The following ARHGAP35 variants were observed in gnomAD, a reference collection of about 807,000 sequenced individuals.
ARHGAP35 encodes the protein rho GTPase-activating protein 35.
ARHGAP35 carries 15 observed loss-of-function variants against 111.1 expected under a neutral mutation model. That is an observed-to-expected ratio of 0.13 (90% CI 0.09 to 0.21). ARHGAP35 has a LOEUF of 0.21. Among genes scored for constraint, ARHGAP35 ranks in the 10% least tolerant of loss-of-function variants. ARHGAP35 has a pLI of 1.00. For synonymous variants in ARHGAP35, 643 were observed against 710.3 expected, an observed-to-expected ratio of 0.91 and a Z score of 1.51; for missense variants, 1,262 against 1,873.0, an observed-to-expected ratio of 0.67 and a Z score of 6.02.
At position 46,945,368 on chromosome 19, in the gene ARHGAP35, G is replaced by T. The variant is rs975478151; in HGVS notation, c.3826+7960G>T. On this transcript the variant is annotated intron_variant, in intron 3 of 6. Transcript: ENST00000672722. This position sits in a 1 kb window ranked among gnomAD's most constrained non-coding sequence, Gnocchi z 4.1. The stretch of plus-strand genomic sequence containing the variant: ...TTGGCCAAGCTCATCTGAGCTCTCT[G>T]ATGCACAGCAGGAAGTAGAATTATT... 6.6e-6 allele frequency among the ~76,000 whole-genome samples: 1 copy of T among 152,156 alleles called. No homozygotes were observed. Among genetic ancestry groups the T allele is most frequent in the Admixed American group, 6.5e-5 (1 of 15,268 alleles).
At chr19:46,888,620 G>A (rs2056008250) in intron 1 of ARHGAP35, among the ~76,000 whole-genome samples, 1 of 151,856 alleles carries the variant, frequency 6.6e-6, no homozygotes, top group Admixed American at 6.6e-5. Context: ...AATCTGCTTA[G>A]TTATGTAGCA....
chr19:46,959,973 T>C (rs866093052), intron 3 of ARHGAP35, among the ~76,000 whole-genome samples: 165 of 150,702 alleles, frequency 1.1e-3, no homozygotes, highest in South Asian at 4.2e-4. Context: ...AGCCATGCAT[T>C]GTGGCACATG....
intron 3 of ARHGAP35, among the ~76,000 whole-genome samples, chr19:46,959,297 C>G (rs991422089): frequency 6.6e-6 from 1 of 152,088 alleles, no homozygotes; most frequent in Non-Finnish European, 1.5e-5. Context: ...CTCCTGTGCT[C>G]AAGTGATTCG....
At position 46,952,986 on chromosome 19, in the gene ARHGAP35, C is replaced by T. The variant is rs150074787; in HGVS notation, c.3826+15578C>T. Among the ~76,000 whole-genome samples the T allele has an allele frequency of 6.0e-3, 910 of 152,300 alleles. 4 individuals carry two copies. The highest frequency in any genetic ancestry group is 0.02 in the South Asian group (98 of 4,828). ...TGAGCCACCATGCCTGGCCCTACAT[C>T]ACTCTTTAAGTGGTCCTTTGTGCAT... On this transcript the variant is annotated intron_variant, in intron 3 of 6. Transcript: ENST00000672722.
chr19:46,873,735 AATTT>A (rs1036853574), intron 1 of ARHGAP35, among the ~76,000 whole-genome samples: 25 of 151,518 alleles, frequency 1.6e-4, no homozygotes, highest in Non-Finnish European at 2.5e-4. Flanking sequence ...ATGAGATTTA[AATTT>A]ATTTAAGCTT....
chr19:46,952,850 G>A (rs2056420296), intron 3 of ARHGAP35, among the ~76,000 whole-genome samples: 2 of 152,056 alleles, frequency 1.3e-5, no homozygotes, highest in African/African-American at 4.8e-5. Flanking sequence ...AGCAGTTTTT[G>A]TATTTTTTGT....
chr19:46,954,842 C>A (rs979548100), intron 3 of ARHGAP35, among the ~76,000 whole-genome samples: 1 of 152,240 alleles, frequency 6.6e-6, no homozygotes, highest in Non-Finnish European at 1.5e-5. Context: ...GTTCTGTGAT[C>A]TGTTTTTTGT....
At chr19:46,916,646 AT>A (rs59214975) in intron 1 of ARHGAP35, among the ~76,000 whole-genome samples, 14 of 151,520 alleles carry the variant, frequency 9.2e-5, no homozygotes, top group African/African-American at 2.7e-4. Context: ...TACACACTTA[AT>A]TTTTTTTTAT....
At chr19:46,995,959 T>C (rs1167134705) in intron 5 of ARHGAP35, among the ~76,000 whole-genome samples, 1 of 152,184 alleles carries the variant, frequency 6.6e-6, no homozygotes, top group East Asian at 1.9e-4. Flanking sequence ...GAGCTCCTAG[T>C]GCTGCTCAGT....
intron 1 of ARHGAP35, among the ~76,000 whole-genome samples, chr19:46,894,790 C>A (rs547219847): frequency 6.6e-6 from 1 of 152,028 alleles, no homozygotes; most frequent in African/African-American, 2.4e-5. Context: ...TCTGCTGTCT[C>A]CTATGTCATG....
chr19:46,951,375 A>G (rs2056412129), intron 3 of ARHGAP35, among the ~76,000 whole-genome samples: 1 of 152,088 alleles, frequency 6.6e-6, no homozygotes, highest in Non-Finnish European at 1.5e-5. Flanking sequence ...GCCCAGAGAA[A>G]CCAACTGAGT....
At chr19:46,888,319 A>ATAT (rs2056006031) in intron 1 of ARHGAP35, among the ~76,000 whole-genome samples, 1 of 51,176 alleles carries the variant, frequency 2.0e-5, no homozygotes, top group Non-Finnish European at 3.8e-5. Flanking sequence ...TATATATATA[A>ATAT]AATATTGATT....
intron 3 of ARHGAP35, among the ~76,000 whole-genome samples, chr19:46,984,736 T>A (rs577892938): frequency 6.6e-6 from 1 of 152,346 alleles, no homozygotes; most frequent in South Asian, 2.1e-4. Context: ...TACGGCCTCG[T>A]GCTTTCCAGT....
intron 1 of ARHGAP35, among the ~76,000 whole-genome samples, chr19:46,875,674 A>G (rs1009139599): frequency 2.6e-5 from 4 of 152,148 alleles, no homozygotes; most frequent in African/African-American, 9.7e-5. Flanking sequence ...AGAACTAAAT[A>G]CCATAACGCT....
rs1269022878 is a variant in ARHGAP35, at chr19:47,003,106, CG to C, written c.*2421del. On this transcript the variant is annotated 3_prime_UTR_variant, in exon 7 of 7. Coordinates refer to ENST00000672722, the MANE Select transcript of ARHGAP35 (RefSeq NM_004491.5). ...AACTTCAGCCTCTCATCTGCTGCTC[CG>C]GGCTGAGGGACTAGAGGACATCTCG... The C allele has an allele frequency of 6.6e-6, 1 of 152,260 alleles. No homozygotes were observed. Among genetic ancestry groups the C allele is most frequent in the African/African-American group, 2.4e-5 (1 of 41,418 alleles). The allele number at this position is 152,260 out of a possible 1,614,324, so 9.4% of individuals were successfully genotyped here.
Position 46,926,895 on chromosome 19 carries a change from G to A in ARHGAP35, c.3681+4539G>A, listed in dbSNP as rs1471184171. 6.6e-6 allele frequency among the ~76,000 whole-genome samples: 1 copy of A among 152,200 alleles called. No individual in the cohort carries two copies. The highest frequency in any genetic ancestry group is 2.4e-5 in the African/African-American group (1 of 41,444). ...CTAGAATGGAGTTAAAGTTTCTAGTGTGAATAAAAACCAGCTGGGGAATTG... is the reference window on the plus strand; with the variant it reads ...CTAGAATGGAGTTAAAGTTTCTAGTATGAATAAAAACCAGCTGGGGAATTG... On this transcript the variant is annotated intron_variant, in intron 2 of 6. Coordinates refer to ENST00000672722, the MANE Select transcript of ARHGAP35 (RefSeq NM_004491.5). The surrounding 1 kb of genome is among the most constrained non-coding windows in gnomAD (Gnocchi z 4.1).
intron 3 of ARHGAP35, among the ~76,000 whole-genome samples, chr19:46,981,022 T>C (rs776594037): frequency 1.2e-4 from 19 of 152,204 alleles, no homozygotes; most frequent in Non-Finnish European, 2.2e-4. Flanking sequence ...TGAGGTGAGA[T>C]TGGGGGAGTG....
chr19:46,971,266 C>T (rs1347189999), intron 3 of ARHGAP35, among the ~76,000 whole-genome samples: 5 of 151,934 alleles, frequency 3.3e-5, no homozygotes, highest in Middle Eastern at 3.4e-3. Flanking sequence ...ATTAGCCGGG[C>T]GTGGTGGCGT....
At chr19:46,896,078 G>A (rs144910919) in intron 1 of ARHGAP35, among the ~76,000 whole-genome samples, 164 of 151,726 alleles carry the variant, frequency 1.1e-3, no homozygotes, top group African/African-American at 3.7e-3. Context: ...CTCCATCCTC[G>A]GTGACAAGAA....
Sources: gnomAD v4.1 joint callset for allele counts (sites outside exome capture counted in the v4.1 genomes callset) on GRCh38, gnomAD v4.1.1 for gene constraint, Gnocchi (gnomAD v3.1) non-coding constraint, MANE v1.5 for transcripts, NCBI Gene and HGNC (gene_info 2026-07-23, HGNC 2026-07-21) for gene names.